KCNK9: variants seen among roughly 807,000 people sequenced by gnomAD.
KCNK9 encodes the protein potassium channel subfamily K member 9.
A neutral mutation model predicts 10.8 loss-of-function variants in KCNK9; 1 was observed. The ratio of observed to expected loss-of-function variants is 0.09; its 90% CI spans 0.03 to 0.44. KCNK9 has a LOEUF of 0.44. Among genes scored for constraint, KCNK9 ranks in the 20% least tolerant of loss-of-function variants. KCNK9 has a pLI of 0.97. For synonymous variants in KCNK9, 231 were observed against 222.7 expected (o/e 1.04, Z -0.33); for missense variants, 303 against 515.0 (o/e 0.59, Z 3.98).
intron 1 of KCNK9, among the ~76,000 whole-genome samples, chr8:139,643,518 T>C (rs1203098918): frequency 6.6e-6 from 1 of 152,174 alleles, no homozygotes. Context: ...ATTTCCCTCC[T>C]GGGCCAAGGT....
At chr8:139,609,106 A>ACCCCCCCC (rs1554617339), downstream of KCNK9, among the ~76,000 whole-genome samples, 41 of 123,844 alleles carry the variant, frequency 3.3e-4, no homozygotes, top group Non-Finnish European at 4.3e-4. Context: ...GACCCATCCC[A>ACCCCCCCC]CCCCACCCCG....
chr8:139,659,418 TC>T (rs897476164), intron 1 of KCNK9, among the ~76,000 whole-genome samples: 7 of 152,154 alleles, frequency 4.6e-5, no homozygotes, highest in Non-Finnish European at 1.0e-4. Context: ...AATACTCCTC[TC>T]CCCCTATCCT....
In KCNK9 at chr8:139,693,703, G is replaced by A. The variant is rs528206695; in HGVS notation, c.283+9007C>T. 2.0e-5 allele frequency among the ~76,000 whole-genome samples: 3 copies of A among 152,274 alleles called. No individual in the cohort carries two copies. Among genetic ancestry groups the A allele is most frequent in the Non-Finnish European group, 2.9e-5 (2 of 68,032 alleles). On this transcript the variant is annotated intron_variant, in intron 1 of 1. Coordinates refer to ENST00000520439, the MANE Select transcript of KCNK9 (RefSeq NM_001282534.2). This position sits in a 1 kb window ranked among gnomAD's most constrained non-coding sequence, Gnocchi z 4.1. ...TTGGGGAAAAGAGGAAGGCAGAGCC[G>A]GACTCAGGGCAGAAGGTGTGGGAAC...
At chr8:139,624,671 G>A (rs145891325) in intron 1 of KCNK9, among the ~76,000 whole-genome samples, 17 of 152,226 alleles carry the variant, frequency 1.1e-4, no homozygotes, top group African/African-American at 2.2e-4. Flanking sequence ...CCAACCCCTC[G>A]AGTGGCAGCC....
At position 139,617,136 on chromosome 8, in the gene KCNK9, A is replaced by AG. The variant is rs1814621649; in HGVS notation, c.*1121_*1122insC. The AG allele has an allele frequency of 6.6e-6, 1 of 152,232 alleles. No homozygotes were observed. The highest frequency in any genetic ancestry group is 2.4e-5 in the African/African-American group (1 of 41,458). 9.4% of individuals were successfully genotyped at this position (152,232 alleles called of 1,614,324 possible). A position where few individuals can be genotyped will look rare whatever the true frequency, so the allele number is the denominator to read the frequency against. On this transcript the variant is annotated 3_prime_UTR_variant, in exon 2 of 2. Transcript: ENST00000520439. ...AGAGACGATATTTCTTGAAATAGAT[A>AG]TGTATTTTTAATGAGGAATGCCCTG...
intron 1 of KCNK9, among the ~76,000 whole-genome samples, chr8:139,641,669 G>A (rs1253121388): frequency 6.6e-6 from 1 of 151,814 alleles, no homozygotes; most frequent in Non-Finnish European, 1.5e-5. Flanking sequence ...CCAATTTCCA[G>A]GATACCTCGC....
intron 1 of KCNK9, among the ~76,000 whole-genome samples, chr8:139,627,763 T>A (rs2130126839): frequency 6.6e-6 from 1 of 152,338 alleles, no homozygotes; most frequent in South Asian, 2.1e-4. Context: ...AACAAAGCAC[T>A]TTGCAATTCA....
intron 1 of KCNK9, among the ~76,000 whole-genome samples, chr8:139,642,654 G>C (rs911428801): frequency 1.3e-5 from 2 of 152,356 alleles, no homozygotes; most frequent in Admixed American, 1.3e-4. Flanking sequence ...GTGGGGAGCA[G>C]CCACTTCCAC....
intron 1 of KCNK9, among the ~76,000 whole-genome samples, chr8:139,667,097 T>C (rs1391963699): frequency 6.6e-6 from 1 of 150,758 alleles, no homozygotes; most frequent in Non-Finnish European, 1.5e-5. Context: ...ATTGCTATGA[T>C]GCAGATCTGC....
rs558187786 is a variant in KCNK9, at chr8:139,666,614, G to A, written c.283+36096C>T. On this transcript the variant is annotated intron_variant, in intron 1 of 1. Coordinates refer to ENST00000520439, the MANE Select transcript of KCNK9 (RefSeq NM_001282534.2). ...CACTTGCAGCCGCCACAACATTGCT[G>A]AGGCCAGGCTTCTGAGCCCAGGCTG... Among the ~76,000 whole-genome samples the A allele has an allele frequency of 7.9e-5, 12 of 152,350 alleles. No homozygotes were observed. The South Asian group carries it at 2.5e-3, about 32-fold the overall frequency.
chr8:139,633,322 C>T (rs921018734), intron 1 of KCNK9, among the ~76,000 whole-genome samples: 1 of 152,128 alleles, frequency 6.6e-6, no homozygotes, highest in Non-Finnish European at 1.5e-5. Flanking sequence ...CTATAGTAAA[C>T]ATGCAATAAA....
intron 1 of KCNK9, among the ~76,000 whole-genome samples, chr8:139,664,983 A>G (rs1303937048): frequency 1.3e-5 from 2 of 152,146 alleles, no homozygotes; most frequent in Non-Finnish European, 2.9e-5. Flanking sequence ...TACAACAAGC[A>G]CAGCAGGCCC....
chr8:139,699,035 G>A (rs931741804), intron 1 of KCNK9, among the ~76,000 whole-genome samples: 2 of 152,056 alleles, frequency 1.3e-5, no homozygotes, highest in African/African-American at 2.4e-5. Context: ...TACGGCTTCC[G>A]CTCCTGCAAA....
chr8:139,603,986 C>T (rs1817429889), intron 2 of KCNK9, among the ~76,000 whole-genome samples: 1 of 152,190 alleles, frequency 6.6e-6, no homozygotes, highest in Non-Finnish European at 1.5e-5. Flanking sequence ...TTGGACGGTC[C>T]CACAGCCTCC....
chr8:139,621,037 C>A (rs541663795), intron 1 of KCNK9, among the ~76,000 whole-genome samples: 1 of 152,280 alleles, frequency 6.6e-6, no homozygotes, highest in Admixed American at 6.5e-5. Context: ...AATCCCAGCA[C>A]TTTGGGAGGC....
At chr8:139,602,741 T>C (rs1014907374) in intron 2 of KCNK9, among the ~76,000 whole-genome samples, 10 of 152,234 alleles carry the variant, frequency 6.6e-5, no homozygotes, top group Admixed American at 5.9e-4. Context: ...GAAGTTCTGA[T>C]ACTGCTCATC....
intron 1 of KCNK9, among the ~76,000 whole-genome samples, chr8:139,664,406 C>T (rs776023317): frequency 5.3e-5 from 8 of 151,986 alleles, no homozygotes; most frequent in African/African-American, 1.5e-4. Context: ...CTCCAGAGCC[C>T]GCCTCCCCTC....
At chr8:139,622,612 T>C (rs1451002462) in intron 1 of KCNK9, among the ~76,000 whole-genome samples, 1 of 152,076 alleles carries the variant, frequency 6.6e-6, no homozygotes, top group Non-Finnish European at 1.5e-5. Context: ...CCTCATTGCT[T>C]CCCCCCAAAC....
At chr8:139,640,494 TG>T (rs1815470947) in intron 1 of KCNK9, among the ~76,000 whole-genome samples, 1 of 152,300 alleles carries the variant, frequency 6.6e-6, no homozygotes, top group South Asian at 2.1e-4. Context: ...TAGATTGGGT[TG>T]GGGTCCTCGC....
Sources: gnomAD v4.1 joint callset for allele counts (sites outside exome capture counted in the v4.1 genomes callset) on GRCh38, gnomAD v4.1.1 for gene constraint, Gnocchi (gnomAD v3.1) non-coding constraint, MANE v1.5 for transcripts, NCBI Gene and HGNC (gene_info 2026-07-23, HGNC 2026-07-21) for gene names.